The following KCNN2 variants were observed in gnomAD, a reference collection of about 807,000 sequenced individuals.
KCNN2 encodes potassium calcium-activated channel subfamily N member 2.
Under a neutral mutation model 55.5 loss-of-function variants are expected in KCNN2, and 24 were observed. The ratio of observed to expected loss-of-function variants is 0.43; its 90% CI spans 0.31 to 0.61. KCNN2 has a LOEUF of 0.61. Ranked by LOEUF, KCNN2 falls within the 20% of genes least tolerant of loss-of-function variation. KCNN2 has a pLI of 0.08. For missense variants in KCNN2, 754 were observed against 853.6 expected, an observed-to-expected ratio of 0.88 and a Z score of 1.45; for synonymous variants, 431 against 336.1, an observed-to-expected ratio of 1.28 and a Z score of -3.09.
chr5:114,363,871 T>G (rs1757526093), intron 1 of KCNN2, 35 bp from the exon 2 acceptor site: 2 of 1,556,494 alleles, frequency 1.3e-6, no homozygotes, highest in Middle Eastern at 1.7e-4. Context: ...AAAGTGCTTC[T>G]TTCTTAAAAG....
At chr5:114,390,217 T>TA (rs1758414608) in intron 2 of KCNN2, among the ~76,000 whole-genome samples, 1 of 152,172 alleles carries the variant, frequency 6.6e-6, no homozygotes, top group South Asian at 2.1e-4. Flanking sequence ...CACGTTGGCT[T>TA]ATATTTAATT....
chr5:114,334,260 A>ATGTGTGTG (rs56654295), intron 2 of KCNN2, among the ~76,000 whole-genome samples: 12 of 138,210 alleles, frequency 8.7e-5, no homozygotes, highest in South Asian at 5.0e-4. Context: ...CATATGCCTG[A>ATGTGTGTG]TGTGTGTGTG....
At chr5:114,146,462 G>A (rs1677723050) in intron 1 of KCNN2, among the ~76,000 whole-genome samples, 1 of 152,100 alleles carries the variant, frequency 6.6e-6, no homozygotes, top group Non-Finnish European at 1.5e-5. Flanking sequence ...GAGCTCACTA[G>A]GAATTCCCAT....
chr5:114,358,358 A>T (rs1468338620), upstream of KCNN2, among the ~76,000 whole-genome samples: 1 of 152,176 alleles, frequency 6.6e-6, no homozygotes, highest in Non-Finnish European at 1.5e-5. Flanking sequence ...CTTCTAAGAA[A>T]ATGTGTTTGT....
intron 2 of KCNN2, among the ~76,000 whole-genome samples, chr5:114,390,838 A>T (rs1758430011): frequency 6.6e-6 from 1 of 152,192 alleles, no homozygotes; most frequent in African/African-American, 2.4e-5. Context: ...AGTAATGTGA[A>T]TGTGAACATA....
intron 1 of KCNN2, among the ~76,000 whole-genome samples, chr5:114,073,074 C>T (rs561612721): frequency 9.9e-5 from 15 of 152,036 alleles, no homozygotes; most frequent in Non-Finnish European, 1.9e-4. Context: ...TCTGATATGC[C>T]GTATTTGTTA....
intron 1 of KCNN2, among the ~76,000 whole-genome samples, chr5:114,092,083 G>A (rs553775004): frequency 6.6e-6 from 1 of 152,252 alleles, no homozygotes; most frequent in South Asian, 2.1e-4. Flanking sequence ...CTGAGACAAG[G>A]CAAGTCTCTT....
intron 2 of KCNN2, among the ~76,000 whole-genome samples, chr5:114,295,014 T>G (rs1291994262): frequency 6.6e-6 from 1 of 152,196 alleles, no homozygotes; most frequent in Non-Finnish European, 1.5e-5. Flanking sequence ...TTTTTTGTTT[T>G]CCATTTGCTT....
intron 2 of KCNN2, among the ~76,000 whole-genome samples, chr5:114,260,882 G>A (rs553846612): frequency 6.6e-6 from 1 of 152,320 alleles, no homozygotes; most frequent in Admixed American, 6.5e-5. Context: ...AGTGAGGCAA[G>A]TCAAAAATCT....
At chr5:114,421,883 G>T (rs998404021) in intron 3 of KCNN2, among the ~76,000 whole-genome samples, 2 of 152,166 alleles carry the variant, frequency 1.3e-5, no homozygotes, top group East Asian at 3.8e-4. Flanking sequence ...GTGTTTACAG[G>T]TGTGATTACA....
intron 1 of KCNN2, among the ~76,000 whole-genome samples, chr5:114,218,714 T>C (rs1343795104): frequency 6.6e-6 from 1 of 152,198 alleles, no homozygotes; most frequent in African/African-American, 2.4e-5. Flanking sequence ...TAAATACTAA[T>C]GTAAACTATG....
At chr5:114,373,940 T>A (rs1205753362) in intron 2 of KCNN2, among the ~76,000 whole-genome samples, 1 of 151,816 alleles carries the variant, frequency 6.6e-6, no homozygotes, top group African/African-American at 2.4e-5. Flanking sequence ...GCATTTGCTG[T>A]CTATTAAGGA....
At chr5:114,412,656 C>G (rs1227619105) in intron 3 of KCNN2, among the ~76,000 whole-genome samples, 1 of 152,104 alleles carries the variant, frequency 6.6e-6, no homozygotes, top group African/African-American at 2.4e-5. Flanking sequence ...TCCTGGTCTG[C>G]CAGCCATGAT....
chr5:114,231,546 G>A (rs541747273), intron 2 of KCNN2, among the ~76,000 whole-genome samples: 7 of 151,032 alleles, frequency 4.6e-5, no homozygotes, highest in Non-Finnish European at 1.0e-4. Context: ...GAAAAATTTT[G>A]TTCTTTGATT....
chr5:114,189,132 T>TTGTG, intron 1 of KCNN2, among the ~76,000 whole-genome samples: 1 of 75,188 alleles, frequency 1.3e-5, no homozygotes, highest in Non-Finnish European at 2.7e-5. Flanking sequence ...ATAGAACCAA[T>TTGTG]AGTGTGTGTG....
chr5:114,431,100 C>T (rs1759778550), intron 3 of KCNN2, among the ~76,000 whole-genome samples: 1 of 152,006 alleles, frequency 6.6e-6, no homozygotes, highest in Non-Finnish European at 1.5e-5. Flanking sequence ...TGGCTTTATA[C>T]AATGAGTTAG....
At chr5:114,148,122 G>A (rs796880484) in intron 1 of KCNN2, among the ~76,000 whole-genome samples, 9 of 152,280 alleles carry the variant, frequency 5.9e-5, no homozygotes, top group African/African-American at 2.2e-4. Context: ...AGCTGTAGGA[G>A]CTGAATTGTT....
intron 1 of KCNN2, among the ~76,000 whole-genome samples, chr5:114,220,469 A>C (rs931934300): frequency 6.6e-6 from 1 of 152,190 alleles, no homozygotes; most frequent in Non-Finnish European, 1.5e-5. Context: ...AAAGAAATAC[A>C]AATACTAAAG....
chr5:114,378,406 A>G (rs529719450), intron 2 of KCNN2, among the ~76,000 whole-genome samples: 39 of 152,336 alleles, frequency 2.6e-4, no homozygotes, highest in African/African-American at 9.1e-4. Flanking sequence ...TGTTTGTTCT[A>G]TCTTTGCATC....
Sources: gnomAD v4.1 joint callset for allele counts (sites outside exome capture counted in the v4.1 genomes callset) on GRCh38, gnomAD v4.1.1 for gene constraint, MANE v1.5 for transcripts, NCBI Gene and HGNC (gene_info 2026-07-23, HGNC 2026-07-21) for gene names.